ACADVL: variants seen among roughly 807,000 people sequenced by gnomAD.
The protein encoded by ACADVL is very long-chain acyl-CoA dehydrogenase, mitochondrial.
A neutral mutation model predicts 80.4 loss-of-function variants in ACADVL; 73 were observed. The ratio of observed to expected loss-of-function variants is 0.91; its 90% CI spans 0.75 to 1.10. ACADVL has a LOEUF of 1.10. Ranked by LOEUF, ACADVL falls within the 50% of genes least tolerant of loss-of-function variation. The pLI is 0.00. For missense variants in ACADVL, 878 were observed against 858.9 expected (o/e 1.02, Z -0.28); for synonymous variants, 392 against 326.5 (o/e 1.20, Z -2.16).
At chr17:7,219,472 A>G, upstream of ACADVL, 1 of 1,036,592 alleles carries the variant, frequency 9.6e-7, no homozygotes, top group African/African-American at 1.7e-5. Flanking sequence ...CACTTAGGGT[A>G]CTCACACCCT....
In ACADVL at chr17:7,224,204, C is replaced by T. The variant is rs753377608; in HGVS notation, c.1493C>T (p.Ala498Val). ...GCTCTAAAGAATCCCTTTGGGAATGCTGGCCTCCTGCTAGGAGAGGCAGGC... is the reference window on the plus strand; with the variant it reads ...GCTCTAAAGAATCCCTTTGGGAATGTTGGCCTCCTGCTAGGAGAGGCAGGC... ...GSALKNPFGN[A>V]GLLLGEAGKQ... The change falls in exon 15 of 20, where the codon GCT (alanine) becomes GTT (valine). Residue 498 changes from alanine (A) to valine (V), a missense_variant. Ala to Val is a moderately conservative substitution (Grantham distance 64). Coordinates refer to ENST00000356839, the MANE Select transcript of ACADVL (RefSeq NM_000018.4). The T allele has an allele frequency of 2.0e-5, 32 of 1,614,060 alleles. No individual in the cohort carries two copies. In the South Asian group the frequency reaches 3.5e-4, roughly 18 times the overall value.
chr17:7,220,185 G>T lies in ACADVL; in HGVS notation c.126G>T (p.Gly42=). 1.3e-6 allele frequency: 2 copies of T among 1,534,278 alleles called. No individual in the cohort carries two copies. The highest frequency in any genetic ancestry group is 1.2e-5 in the South Asian group (1 of 83,992). ...GCCCTGCCCGGCGGCCCTATGCCGGGGGTGCCGCTCAGGTAAGTCACCGCA... is the reference window on the plus strand; with the variant it reads ...GCCCTGCCCGGCGGCCCTATGCCGGTGGTGCCGCTCAGGTAAGTCACCGCA... The part of the protein sequence containing the change: ...RPGPARRPYA[G]GAAQLALDKS... The change falls in exon 2 of 20, where the codon GGG becomes GGT. Residue 42 remains glycine (G), a synonymous_variant. Coordinates refer to ENST00000356839, the MANE Select transcript of ACADVL (RefSeq NM_000018.4).
In ACADVL at chr17:7,221,687, G is replaced by A; in HGVS notation, c.622+5G>A. The A allele has an allele frequency of 1.2e-6, 2 of 1,613,606 alleles. No individual in the cohort carries two copies. Among genetic ancestry groups the A allele is most frequent in the East Asian group, 4.5e-5 (2 of 44,884 alleles). ...ACCTCCCCAAGCTGGCATCTGGTGA[G>A]GCAACCCTAGGAGAGCCAGGGATTG... On this transcript the variant is annotated splice_donor_5th_base_variant and intron_variant, in intron 7 of 19. Transcript: ENST00000356839.
chr17:7,220,796 A>G lies in ACADVL; in HGVS notation c.308A>G (p.Lys103Arg), dbSNP rs140566084. 1,808 of 1,614,094 alleles carry G rather than the reference A, an allele frequency of 1.1e-3. 13 individuals carry two copies. In the African/African-American group the frequency reaches 0.013, roughly 11 times the overall value. The change falls in exon 5 of 20, where the codon AAA becomes AGA. Residue 103 changes from lysine (K) to arginine (R), a missense_variant. Coordinates refer to ENST00000356839, the MANE Select transcript of ACADVL (RefSeq NM_000018.4). ...AACGAAGAGCAGACACAGTTTCTTAAAGAGCTGGTGGAGCCTGTGTCCCGT... is the reference window on the plus strand; with the variant it reads ...AACGAAGAGCAGACACAGTTTCTTAGAGAGCTGGTGGAGCCTGTGTCCCGT... The part of the protein sequence containing the change: ...VLNEEQTQFL[K>R]ELVEPVSRFF...
At chr17:7,221,282 A>G in intron 6 of ACADVL, 1 of 942,724 alleles carries the variant, frequency 1.1e-6, no homozygotes, top group Non-Finnish European at 1.6e-6. Flanking sequence ...ACAAATCTCT[A>G]AGTTGGGGAT....
At chr17:7,221,206 A>T in intron 6 of ACADVL, 148 bp downstream of exon 6, 3 of 1,361,330 alleles carry the variant, frequency 2.2e-6, no homozygotes, top group Non-Finnish European at 3.0e-6. Context: ...CTGTCCAAAC[A>T]TAACACAATT....
intron 6 of ACADVL, 62 bp from the exon 7 acceptor site, chr17:7,221,459 CCCTGTTGCCCACACTCT>C: frequency 1.6e-6 from 2 of 1,272,774 alleles, no homozygotes; most frequent in Non-Finnish European, 2.2e-6. Context: ...TCAGGAACTG[CCCTGTTGCCCACACTCT>C]CCTGTTAAGG....
rs2071189512 is a variant in ACADVL at position 7,221,062 on chromosome 17, A to G, written c.477+4A>G. The G allele has an allele frequency of 6.2e-7, 1 of 1,613,108 alleles. No homozygotes were observed. Among genetic ancestry groups the G allele is most frequent in the Non-Finnish European group, 8.5e-7 (1 of 1,180,016 alleles). On this transcript the variant is annotated splice_donor_region_variant and intron_variant, in intron 6 of 19. Transcript: ENST00000356839. ...TGTGGGCCTTTGCAACACCCAGGTGAGGGCGCCCTATCGCCACATCCCAGT... is the reference window on the plus strand; with the variant it reads ...TGTGGGCCTTTGCAACACCCAGGTGGGGGCGCCCTATCGCCACATCCCAGT...
In ACADVL at chr17:7,220,651, A is replaced by AG. The variant is rs1247360325; in HGVS notation, c.253dup (p.Asp85GlyfsTer19). On this transcript the variant is annotated frameshift_variant, in exon 4 of 20. Transcript: ENST00000356839. LOFTEE classifies it high-confidence loss of function. ...GAATGTTCAAAGGCCAGCTCACCACAGATCAGGTGTTCCCATACCCGTCCG... is the reference window on the plus strand; with the variant it reads ...GAATGTTCAAAGGCCAGCTCACCACAGGATCAGGTGTTCCCATACCCGTCCG... 2 of 1,614,212 alleles carry AG rather than the reference A, an allele frequency of 1.2e-6. No individual in the cohort carries two copies. The highest frequency in any genetic ancestry group is 1.7e-6 in the Non-Finnish European group (2 of 1,180,046).
Position 7,220,992 on chromosome 17 carries a change from G to A in ACADVL, c.411G>A (p.Lys137=), listed in dbSNP as rs2142969322. ...MVEETTWQGL[K]ELGAFGLQVP... The stretch of plus-strand genomic sequence containing the variant: ...AGGAGACCACTTGGCAGGGCCTCAA[G>A]GAGCTGGGGGCCTTTGGTCTGCAAG... Residue 137 remains lysine (K), a synonymous_variant, in exon 6 of 20, where the codon AAG becomes AAA. Coordinates refer to ENST00000356839, the MANE Select transcript of ACADVL (RefSeq NM_000018.4). 3 of 1,614,100 alleles carry A rather than the reference G, an allele frequency of 1.9e-6. No individual in the cohort carries two copies. The African/African-American group carries it at 4.0e-5, about 22-fold the overall frequency.
chr17:7,224,799 T>C lies in ACADVL; in HGVS notation c.1752-10T>C. 6.2e-7 allele frequency: 1 copy of C among 1,614,004 alleles called. No individual in the cohort carries two copies. The highest frequency in any genetic ancestry group is 8.5e-7 in the Non-Finnish European group (1 of 1,180,016). Reference sequence around the variant, plus strand: ...GCCCAGATTTATTTTCATCTCCTGCTTCCTGCCAGGGCCTCAAGATCCCTG... The same window carrying C: ...GCCCAGATTTATTTTCATCTCCTGCCTCCTGCCAGGGCCTCAAGATCCCTG... On this transcript the variant is annotated splice_polypyrimidine_tract_variant and intron_variant, in intron 18 of 19. Transcript: ENST00000356839.
chr17:7,220,545 G>T lies in ACADVL; in HGVS notation c.204+16G>T, dbSNP rs780773899. ...GGCCAAGGCGGTAGGTAGCCCCGAG[G>T]CCAGGTGGACCTTAGCCAGACCCAA... On this transcript the variant is annotated intron_variant, in intron 3 of 19. Coordinates refer to ENST00000356839, the MANE Select transcript of ACADVL (RefSeq NM_000018.4). 6.2e-7 allele frequency: 1 copy of T among 1,614,212 alleles called. No individual in the cohort carries two copies. The highest frequency in any genetic ancestry group is 8.5e-7 in the Non-Finnish European group (1 of 1,180,022).
Position 7,224,387 on chromosome 17 carries a change from C to G in ACADVL, c.1599C>G (p.Gly533=). ...TCCACCCGGAGTTGAGTCGGAGTGG[C>G]GAGCTGGTAAGTGGCCAGGGGTCCA... ...GLVHPELSRS[G]ELAVRALEQF... is the part of the protein sequence containing the mutation. Residue 533 remains glycine, a synonymous_variant, in exon 16 of 20, where the codon GGC becomes GGG. Transcript: ENST00000356839. 1 of 1,613,686 alleles carries G rather than the reference C, an allele frequency of 6.2e-7. No individual in the cohort carries two copies. Among genetic ancestry groups the G allele is most frequent in the South Asian group, 1.1e-5 (1 of 91,044 alleles).
In ACADVL at chr17:7,221,789, G is replaced by A. The variant is rs1207319018; in HGVS notation, c.622+107G>A. ...AGATGGCTGAGCATTTCAGTTGGGG[G>A]AAGGTTTTGGGGAGGCATCACAGTG... On this transcript the variant is annotated intron_variant, in intron 7 of 19. Transcript: ENST00000356839. 3 of 1,597,474 alleles carry A rather than the reference G, an allele frequency of 1.9e-6. No homozygotes were observed. In the African/African-American group the frequency reaches 4.0e-5, roughly 21 times the overall value.
rs370929055 is a variant in ACADVL, at chr17:7,220,819, C to T, written c.331C>T (p.Arg111Cys). Residue 111 changes from arginine to cysteine, a missense_variant, in exon 5 of 20, where the codon CGT becomes TGT. By Grantham distance (180) the Arg-to-Cys change is radical. Coordinates refer to ENST00000356839, the MANE Select transcript of ACADVL (RefSeq NM_000018.4). ...TAAAGAGCTGGTGGAGCCTGTGTCC[C>T]GTTTCTTCGAGGTAAGGAATGACTC... ...FLKELVEPVS[R>C]FFEEVNDPAK... 3.7e-6 allele frequency: 6 copies of T among 1,613,924 alleles called. No individual in the cohort carries two copies. The highest frequency in any genetic ancestry group is 2.2e-5 in the South Asian group (2 of 91,084).
chr17:7,219,008 C>T, upstream of ACADVL: 1 of 737,178 alleles, frequency 1.4e-6, no homozygotes. Context: ...CACCATCTTG[C>T]TCCACACACC....
intron 10 of ACADVL, 133 bp downstream of exon 10, chr17:7,222,998 C>T: frequency 2.8e-6 from 4 of 1,440,154 alleles, no homozygotes; most frequent in South Asian, 2.3e-5. Flanking sequence ...GACTTGCTAG[C>T]TTAGGTCTCC....
upstream of ACADVL, chr17:7,219,128 C>T (rs887583465): frequency 1.9e-6 from 1 of 527,630 alleles, no homozygotes; most frequent in Non-Finnish European, 3.3e-6. Context: ...AAGCTGAGCC[C>T]AGCTCTCTCT....
In ACADVL at chr17:7,222,588, T is replaced by C. The variant is rs114612853; in HGVS notation, c.879-79T>C. The C allele has an allele frequency of 8.7e-4, 1,236 of 1,412,598 alleles. 12 individuals are homozygous for C. In the African/African-American group the frequency reaches 0.016, roughly 19 times the overall value. The allele number at this position is 1,412,598 out of a possible 1,614,324, so 87.5% of individuals were successfully genotyped here. A position where few individuals can be genotyped will look rare whatever the true frequency, so the allele number is the denominator to read the frequency against. ...GTGGTCGTCATTCCTCCCTGGTGCA[T>C]AAGGAGCGAAGGAGCAGTTTTTCCC... On this transcript the variant is annotated intron_variant, in intron 9 of 19. Coordinates refer to ENST00000356839, the MANE Select transcript of ACADVL (RefSeq NM_000018.4).
Sources: allele counts gnomAD v4.1 joint callset, GRCh38; gene constraint gnomAD v4.1.1; transcripts MANE v1.5; gene names NCBI Gene and HGNC (gene_info 2026-07-23, HGNC 2026-07-21).